The following ADAMTS18 variants were observed in gnomAD, a reference collection of about 807,000 sequenced individuals.
The protein encoded by ADAMTS18 is A disintegrin and metalloproteinase with thrombospondin motifs 18.
Under a neutral mutation model 165.9 loss-of-function variants are expected in ADAMTS18, and 157 were observed. That is an observed-to-expected ratio of 0.95 (90% CI 0.83 to 1.08). ADAMTS18 has a LOEUF of 1.08. Among genes scored for constraint, ADAMTS18 ranks in the 50% least tolerant of loss-of-function variants. The pLI is 0.00. For synonymous variants in ADAMTS18, 782 were observed against 578.2 expected, an observed-to-expected ratio of 1.35 and a Z score of -5.06; for missense variants, 2,040 against 1,534.0, an observed-to-expected ratio of 1.33 and a Z score of -5.51.
At chr16:77,302,495 G>C (rs1597096799) in intron 16 of ADAMTS18, among the ~76,000 whole-genome samples, 1 of 152,282 alleles carries the variant, frequency 6.6e-6, no homozygotes, top group East Asian at 1.9e-4. Flanking sequence ...GTACAAAGAG[G>C]TCGCATCACA....
intron 3 of ADAMTS18, among the ~76,000 whole-genome samples, chr16:77,376,806 A>ATTTT (rs2056959887): frequency 8.4e-6 from 1 of 118,456 alleles, no homozygotes; most frequent in African/African-American, 3.0e-5. Context: ...GGCCTAAATC[A>ATTTT]TTCTTTTTTT....
At chr16:77,373,730 TGAAG>T (rs1423799609) in intron 3 of ADAMTS18, among the ~76,000 whole-genome samples, 2 of 152,022 alleles carry the variant, frequency 1.3e-5, no homozygotes, top group African/African-American at 4.8e-5. Context: ...AAAAATAACA[TGAAG>T]AAAATTATCC....
intron 20 of ADAMTS18, among the ~76,000 whole-genome samples, chr16:77,292,319 A>G (rs971619166): frequency 2.0e-5 from 3 of 152,168 alleles, no homozygotes; most frequent in African/African-American, 4.8e-5. Flanking sequence ...ACTCCCCAGT[A>G]TTTGTGAGAG....
At chr16:77,300,553 A>T (rs1170258757) in intron 16 of ADAMTS18, 149 bp from the exon 17 acceptor site, 1 of 934,138 alleles carries the variant, frequency 1.1e-6, no homozygotes, top group East Asian at 2.6e-5. Context: ...TTTTATGTTG[A>T]CTTAAAGCTT....
intron 3 of ADAMTS18, among the ~76,000 whole-genome samples, chr16:77,430,628 G>A (rs1427528446): frequency 6.6e-6 from 1 of 152,176 alleles, no homozygotes; most frequent in Non-Finnish European, 1.5e-5. Context: ...ATATTTGATT[G>A]AATCCTGAGA....
chr16:77,415,907 A>C (rs2057524355), intron 3 of ADAMTS18, among the ~76,000 whole-genome samples: 1 of 152,130 alleles, frequency 6.6e-6, no homozygotes, highest in African/African-American at 2.4e-5. Context: ...ACATTCATGT[A>C]ACAAACGTTT....
At chr16:77,432,770 T>TAA (rs398042239) in intron 2 of ADAMTS18, among the ~76,000 whole-genome samples, 40,465 of 144,232 alleles carry the variant, frequency 0.28, 6,200 homozygotes, top group Non-Finnish European at 0.37. Context: ...CCTCCTCCAA[T>TAA]AAAAAAAAAA....
intron 3 of ADAMTS18, among the ~76,000 whole-genome samples, chr16:77,394,089 G>T (rs774114183): frequency 3.9e-5 from 6 of 152,210 alleles, no homozygotes; most frequent in Non-Finnish European, 8.8e-5. Flanking sequence ...TCATTATAAA[G>T]ATTGATCCCC....
chr16:77,320,169 G>C, intron 15 of ADAMTS18, 76 bp from the exon 16 acceptor site: 1 of 1,559,754 alleles, frequency 6.4e-7, no homozygotes, highest in Non-Finnish European at 8.8e-7. Context: ...GGCCCGACAT[G>C]TAGTGTTCAG....
In ADAMTS18 at chr16:77,341,772, G is replaced by C; in HGVS notation, c.1642C>G (p.Arg548Gly). ...TTGGTCTCACACCTGTGGCCTACTCGGTGGCACCAAAGTGATTTGCAAATA... is the reference window on the plus strand; with the variant it reads ...TTGGTCTCACACCTGTGGCCTACTCCGTGGCACCAAAGTGATTTGCAAATA... ...KDICKSLWCHRVGHRCETKFM... is the reference protein window; with the variant it reads ...KDICKSLWCHGVGHRCETKFM... Residue 548 changes from arginine to glycine, a missense_variant, in exon 11 of 23, where the codon CGA becomes GGA. By Grantham distance (125) the Arg-to-Gly change is moderately radical. Coordinates refer to ENST00000282849, the MANE Select transcript of ADAMTS18 (RefSeq NM_199355.4). 1 of 1,613,096 alleles carries C rather than the reference G, an allele frequency of 6.2e-7. No individual in the cohort carries two copies. The highest frequency in any genetic ancestry group is 8.5e-7 in the Non-Finnish European group (1 of 1,179,618).
intron 3 of ADAMTS18, among the ~76,000 whole-genome samples, chr16:77,390,136 A>T (rs976340360): frequency 4.6e-5 from 7 of 152,192 alleles, no homozygotes; most frequent in African/African-American, 1.7e-4. Context: ...GATTAAAACA[A>T]AGACAAAAAC....
chr16:77,349,085 T>C (rs2056518166), intron 10 of ADAMTS18, among the ~76,000 whole-genome samples: 1 of 152,308 alleles, frequency 6.6e-6, no homozygotes, highest in East Asian at 1.9e-4. Flanking sequence ...AGTATAATAG[T>C]ATCAAATAGT....
Position 77,282,906 on chromosome 16 carries a change from C to CTTTTTTTTT in ADAMTS18, c.*1041_*1049dup, listed in dbSNP as rs1555507097. ...CCACTGTTTACTCCTTTCTTTCTCT[C>CTTTTTTTTT]TTTTTTTTTTTTTTTTTTTTGCTGT... On this transcript the variant is annotated 3_prime_UTR_variant, in exon 23 of 23. Coordinates refer to ENST00000282849, the MANE Select transcript of ADAMTS18 (RefSeq NM_199355.4). The CTTTTTTTTT allele has an allele frequency of 3.1e-4, 24 of 77,568 alleles. No individual in the cohort carries two copies. Among genetic ancestry groups the CTTTTTTTTT allele is most frequent in the African/African-American group, 6.1e-4 (15 of 24,658 alleles). 4.8% of individuals were successfully genotyped at this position (77,568 alleles called of 1,614,324 possible).
At chr16:77,429,871 T>A (rs79785757) in intron 3 of ADAMTS18, among the ~76,000 whole-genome samples, 3,755 of 152,302 alleles carry the variant, frequency 0.025, 67 homozygotes, top group Middle Eastern at 0.054. Flanking sequence ...TGCCCTGTGA[T>A]GTAAACTCTT....
Position 77,353,841 on chromosome 16 carries a change from T to G in ADAMTS18, c.1506A>C (p.Gly502=), listed in dbSNP as rs1452411663. The change falls in exon 10 of 23, where the codon GGA becomes GGC. Residue 502 remains glycine (G), a synonymous_variant. Coordinates refer to ENST00000282849, the MANE Select transcript of ADAMTS18 (RefSeq NM_199355.4). ...GTAGTTTGTCCGGATATTTATACTG[T>G]CCTGCTTGCTTGGGCTCATCCACTA... ...GCLVDEPKQA[G]QYKYPDKLPG... 6.2e-7 allele frequency: 1 copy of G among 1,614,174 alleles called. No homozygotes were observed. Among genetic ancestry groups the G allele is most frequent in the Non-Finnish European group, 8.5e-7 (1 of 1,180,026 alleles).
intron 3 of ADAMTS18, among the ~76,000 whole-genome samples, chr16:77,429,266 C>T (rs745613119): frequency 1.3e-5 from 2 of 152,082 alleles, no homozygotes; most frequent in Admixed American, 6.6e-5. Flanking sequence ...TAAAAATAAA[C>T]GAGATCAGGT....
In ADAMTS18 at chr16:77,282,379, A is replaced by G. The variant is rs1180180028; in HGVS notation, c.*1577T>C. 2 of 152,070 alleles carry G rather than the reference A, an allele frequency of 1.3e-5. No homozygotes were observed. The highest frequency in any genetic ancestry group is 4.8e-5 in the African/African-American group (2 of 41,422). 9.4% of individuals were successfully genotyped at this position (152,070 alleles called of 1,614,324 possible). On this transcript the variant is annotated 3_prime_UTR_variant, in exon 23 of 23. Coordinates refer to ENST00000282849, the MANE Select transcript of ADAMTS18 (RefSeq NM_199355.4). The stretch of plus-strand genomic sequence containing the variant: ...AGAAGGCAACGGGGTTGTAGTAGAG[A>G]AAATTTTTTTTTTTCCTGTTGATAA...
intron 3 of ADAMTS18, among the ~76,000 whole-genome samples, chr16:77,391,512 G>A (rs2057187233): frequency 6.6e-6 from 1 of 151,632 alleles, no homozygotes; most frequent in African/African-American, 2.4e-5. Context: ...AAAACAAGAG[G>A]CTTGGGACAA....
intron 11 of ADAMTS18, among the ~76,000 whole-genome samples, chr16:77,338,242 T>C (rs1286938015): frequency 1.3e-5 from 2 of 151,926 alleles, no homozygotes; most frequent in South Asian, 2.1e-4. Flanking sequence ...TTGTTGTTGT[T>C]GTTGTTGTTT....
Sources: allele counts gnomAD v4.1 joint callset (sites outside exome capture counted in the v4.1 genomes callset), GRCh38; gene constraint gnomAD v4.1.1; transcripts MANE v1.5; gene names NCBI Gene and HGNC (gene_info 2026-07-23, HGNC 2026-07-21).